The following ALS2 variants were observed in gnomAD, a reference collection of about 807,000 sequenced individuals.
ALS2 encodes alsin Rho guanine nucleotide exchange factor ALS2.
A neutral mutation model predicts 203.4 loss-of-function variants in ALS2; 117 were observed. That is an observed-to-expected ratio of 0.58 (90% confidence interval 0.50 to 0.67). ALS2 has a LOEUF of 0.67. Among genes scored for constraint, ALS2 ranks in the 30% least tolerant of loss-of-function variants. ALS2 has a pLI of 0.00. For missense variants in ALS2, 1,715 were observed against 1,989.4 expected (o/e 0.86, Z 2.62); for synonymous variants, 718 against 725.9 (o/e 0.99, Z 0.17).
At chr2:201,709,821 C>CAAG in intron 27 of ALS2, 60 bp downstream of exon 27, 1 of 1,604,402 alleles carries the variant, frequency 6.2e-7, no homozygotes, top group Non-Finnish European at 8.5e-7. Flanking sequence ...TGAAACTACC[C>CAAG]AAGCACTGGT....
chr2:201,735,536 A>T (rs565468921), intron 12 of ALS2, among the ~76,000 whole-genome samples: 1 of 152,358 alleles, frequency 6.6e-6, no homozygotes, highest in East Asian at 1.9e-4. Context: ...TGTGCTTTAG[A>T]CATTCTCAAA....
At chr2:201,759,665 A>T in intron 4 of ALS2, 2 of 984,292 alleles carry the variant, frequency 2.0e-6, no homozygotes, top group South Asian at 4.7e-5. Context: ...TGATTTTTTT[A>T]AAAATTCAAA....
At chr2:201,775,459 TAATA>T (rs756465692) in intron 1 of ALS2, among the ~76,000 whole-genome samples, 73 of 152,248 alleles carry the variant, frequency 4.8e-4, no homozygotes, top group Non-Finnish European at 8.4e-4. Context: ...GGTAAATGCT[TAATA>T]AATAATTTGC....
chr2:201,747,356 A>C (rs1692730617), intron 8 of ALS2, among the ~76,000 whole-genome samples: 1 of 151,972 alleles, frequency 6.6e-6, no homozygotes, highest in Non-Finnish European at 1.5e-5. Context: ...TGGTCTTTGC[A>C]GCAGCAGCAG....
Position 201,734,353 on chromosome 2 carries a change from T to A in ALS2, c.2418-915A>T, listed in dbSNP as rs2106026280. On this transcript the variant is annotated intron_variant, in intron 12 of 33. Coordinates refer to ENST00000264276, the MANE Select transcript of ALS2 (RefSeq NM_020919.4). Reference sequence around the variant, plus strand: ...AGCCAGGCATGGAAGCGCACACCTGTAGTCCCAGCTGCTCAGGTGGCTGAG... The same window carrying A: ...AGCCAGGCATGGAAGCGCACACCTGAAGTCCCAGCTGCTCAGGTGGCTGAG... Among the ~76,000 whole-genome samples the A allele has an allele frequency of 1.3e-5, 2 of 152,136 alleles. 1 individual carries two copies. Among genetic ancestry groups the A allele is most frequent in the South Asian group, 4.2e-4 (2 of 4,810 alleles).
rs73055618 is a variant in ALS2, at chr2:201,764,266, C to T, written c.176-2448G>A. 1.9e-3 allele frequency among the ~76,000 whole-genome samples: 292 copies of T among 152,114 alleles called. 2 individuals carry two copies. The highest frequency in any genetic ancestry group is 6.7e-3 in the African/African-American group (279 of 41,472). On this transcript the variant is annotated intron_variant, in intron 3 of 33. Transcript: ENST00000264276. Reference sequence around the variant, plus strand: ...ATTAACATTATTCCACTAGAAAGAGCAATACTGCAAAGAAATGGATATTTA... The same window carrying T: ...ATTAACATTATTCCACTAGAAAGAGTAATACTGCAAAGAAATGGATATTTA...
chr2:201,767,418 A>G (rs752599846), intron 2 of ALS2, 35 bp from the exon 3 acceptor site: 4 of 1,605,554 alleles, frequency 2.5e-6, no homozygotes, highest in East Asian at 2.2e-5. Context: ...AATTGTTTCT[A>G]CAATTCAGAA....
chr2:201,746,767 A>C lies in ALS2; in HGVS notation c.1816-19T>G. The C allele has an allele frequency of 1.9e-6, 3 of 1,613,642 alleles. No individual in the cohort carries two copies. The highest frequency in any genetic ancestry group is 2.5e-6 in the Non-Finnish European group (3 of 1,179,688). ...TGCTTATCTGCAACGACAGAAAGATAGTGTCTGTCCAAGATAAAGGCAATC... is the reference window on the plus strand; with the variant it reads ...TGCTTATCTGCAACGACAGAAAGATCGTGTCTGTCCAAGATAAAGGCAATC... On this transcript the variant is annotated intron_variant, in intron 8 of 33. Transcript: ENST00000264276.
chr2:201,725,047 A>T (rs1254138875), intron 20 of ALS2, among the ~76,000 whole-genome samples: 1 of 151,412 alleles, frequency 6.6e-6, no homozygotes, highest in Non-Finnish European at 1.5e-5. Context: ...TGGGAGGCAG[A>T]GCTTGCAGTG....
Position 201,761,154 on chromosome 2 carries a change from A to G in ALS2, c.840T>C (p.Thr280=). The part of the protein sequence containing the change: ...NHASTALSPS[T]ETLDRQEEVF... Reference sequence around the variant, plus strand: ...CTTCTTCCTGCCTGTCAAGGGTTTCAGTGGAGGGGCTGAGAGCAGTGCTGG... The same window carrying G: ...CTTCTTCCTGCCTGTCAAGGGTTTCGGTGGAGGGGCTGAGAGCAGTGCTGG... The change falls in exon 4 of 34, where the codon ACT becomes ACC. Residue 280 remains threonine (T), a synonymous_variant. Transcript: ENST00000264276. 1 of 1,614,206 alleles carries G rather than the reference A, an allele frequency of 6.2e-7. No individual in the cohort carries two copies. Among genetic ancestry groups the G allele is most frequent in the South Asian group, 1.1e-5 (1 of 91,090 alleles).
chr2:201,768,253 T>C (rs1369401546), intron 2 of ALS2, among the ~76,000 whole-genome samples: 2 of 152,220 alleles, frequency 1.3e-5, no homozygotes, highest in African/African-American at 4.8e-5. Flanking sequence ...TCTACACATC[T>C]GATGATTTCG....
intron 9 of ALS2, among the ~76,000 whole-genome samples, chr2:201,745,739 A>G (rs932313749): frequency 2.0e-5 from 3 of 152,198 alleles, no homozygotes; most frequent in African/African-American, 7.2e-5. Flanking sequence ...ACTTGAGGTC[A>G]GGAGTTCAAG....
intron 7 of ALS2, 95 bp downstream of exon 7, chr2:201,753,042 ATCATTGCCT>A: frequency 1.1e-6 from 1 of 917,746 alleles, no homozygotes; most frequent in Non-Finnish European, 1.8e-6. Flanking sequence ...AGATACGGTT[ATCATTGCCT>A]GACATATAGC....
chr2:201,732,894 C>G (rs187254210), intron 13 of ALS2, among the ~76,000 whole-genome samples: 1 of 152,162 alleles, frequency 6.6e-6, no homozygotes, highest in Non-Finnish European at 1.5e-5. Context: ...GGGTAACACC[C>G]CTGCCTTACA....
intron 6 of ALS2, 90 bp downstream of exon 6, chr2:201,754,413 T>C: frequency 6.6e-7 from 1 of 1,519,620 alleles, no homozygotes; most frequent in Non-Finnish European, 9.1e-7. Context: ...CCAGATTTCC[T>C]CTATGAGGAA....
intron 1 of ALS2, among the ~76,000 whole-genome samples, chr2:201,772,256 T>C (rs1694427416): frequency 6.8e-6 from 1 of 146,696 alleles, no homozygotes; most frequent in Non-Finnish European, 1.5e-5. Context: ...ATCATTTTAA[T>C]ACCATGATCT....
chr2:201,726,306 G>C (rs1424320781), intron 19 of ALS2, among the ~76,000 whole-genome samples, 178 bp downstream of exon 19: 1 of 152,172 alleles, frequency 6.6e-6, no homozygotes, highest in Non-Finnish European at 1.5e-5. Context: ...CCCAGTCTAG[G>C]TAAATCAGAG....
intron 14 of ALS2, 73 bp from the exon 15 acceptor site, chr2:201,728,713 A>T (rs1448021041): frequency 6.5e-7 from 1 of 1,543,968 alleles, no homozygotes; most frequent in Non-Finnish European, 8.9e-7. Context: ...AAAATAAAAC[A>T]GACACAAATC....
chr2:201,745,979 T>G (rs990744341), intron 9 of ALS2, among the ~76,000 whole-genome samples: 1 of 152,004 alleles, frequency 6.6e-6, no homozygotes, highest in East Asian at 1.9e-4. Context: ...TTAATTAAAT[T>G]AAAAGTGGAG....
Sources: gnomAD v4.1 joint callset for allele counts (sites outside exome capture counted in the v4.1 genomes callset) on GRCh38, gnomAD v4.1.1 for gene constraint, MANE v1.5 for transcripts, NCBI Gene and HGNC (gene_info 2026-07-23, HGNC 2026-07-21) for gene names.